FGD4: variants seen among roughly 807,000 people sequenced by gnomAD.
FGD4 encodes the protein FYVE, RhoGEF and PH domain containing 4, also known as FYVE, RhoGEF and PH domain-containing protein 4.
FGD4 carries 42 observed loss-of-function variants against 102.0 expected under a neutral mutation model. That is an observed-to-expected ratio of 0.41 (90% confidence interval 0.32 to 0.53). The LOEUF is 0.53. Ranked by LOEUF, FGD4 falls within the 20% of genes least tolerant of loss-of-function variation. FGD4 has a pLI of 0.21. For synonymous variants in FGD4, 380 were observed against 375.7 expected (o/e 1.01, Z -0.13); for missense variants, 902 against 1,078.2 (o/e 0.84, Z 2.29).
At chr12:32,412,087 T>A (rs1413206756) in intron 1 of FGD4, among the ~76,000 whole-genome samples, 2 of 152,206 alleles carry the variant, frequency 1.3e-5, no homozygotes, top group Non-Finnish European at 2.9e-5. Flanking sequence ...ACTTACATAA[T>A]CTTATTTCAG....
chr12:32,466,932 G>A (rs927316717), intron 1 of FGD4, among the ~76,000 whole-genome samples: 2 of 151,032 alleles, frequency 1.3e-5, no homozygotes, highest in African/African-American at 4.9e-5. Context: ...TACAGGCAAG[G>A]CCTTTTTAGA....
At chr12:32,474,322 A>T (rs1315597648) in intron 1 of FGD4, among the ~76,000 whole-genome samples, 4 of 152,238 alleles carry the variant, frequency 2.6e-5, no homozygotes, top group Non-Finnish European at 5.9e-5. Flanking sequence ...GTTGCAATAT[A>T]ATAGCCAAAA....
chr12:32,523,714 C>T (rs1253383416), intron 1 of FGD4, among the ~76,000 whole-genome samples: 1 of 152,224 alleles, frequency 6.6e-6, no homozygotes, highest in East Asian at 1.9e-4. Context: ...GTGGCTCACG[C>T]CTGCAATCCC....
chr12:32,433,974 G>T (rs1942140387), intron 1 of FGD4, among the ~76,000 whole-genome samples: 1 of 151,962 alleles, frequency 6.6e-6, no homozygotes, highest in Admixed American at 6.6e-5. Flanking sequence ...TTCTGCCTCA[G>T]CCTCCCGAGT....
At chr12:32,522,959 A>G (rs1026420526) in intron 1 of FGD4, among the ~76,000 whole-genome samples, 1 of 152,218 alleles carries the variant, frequency 6.6e-6, no homozygotes, top group African/African-American at 2.4e-5. Context: ...GCCTAATGAA[A>G]TCCTACTTAT....
chr12:32,583,745 GA>G (rs1946794649), intron 4 of FGD4, among the ~76,000 whole-genome samples: 2 of 152,206 alleles, frequency 1.3e-5, no homozygotes, highest in South Asian at 4.1e-4. Context: ...GTGGGTGGGA[GA>G]AAGTGAGTCA....
intron 1 of FGD4, among the ~76,000 whole-genome samples, chr12:32,447,927 T>A (rs1942667204): frequency 6.6e-6 from 1 of 152,232 alleles, no homozygotes; most frequent in African/African-American, 2.4e-5. Context: ...TTTTCTGTGG[T>A]CATTATTAGA....
At chr12:32,431,483 C>T (rs533592838) in intron 1 of FGD4, among the ~76,000 whole-genome samples, 6 of 152,228 alleles carry the variant, frequency 3.9e-5, no homozygotes, top group African/African-American at 1.4e-4. Context: ...ACACTCAGTT[C>T]GTGCAAATGC....
chr12:32,504,139 T>C (rs909787917), intron 1 of FGD4, among the ~76,000 whole-genome samples: 6 of 152,234 alleles, frequency 3.9e-5, no homozygotes, highest in Non-Finnish European at 7.3e-5. Context: ...GTAAGCGTGT[T>C]GCATTGACCA....
intron 1 of FGD4, among the ~76,000 whole-genome samples, chr12:32,541,734 C>G (rs985017896): frequency 2.6e-5 from 4 of 152,036 alleles, no homozygotes; most frequent in Non-Finnish European, 4.4e-5. Context: ...TATCACCAAG[C>G]CTTTTTTAGA....
intron 1 of FGD4, among the ~76,000 whole-genome samples, chr12:32,465,239 A>G (rs1485920736): frequency 4.6e-5 from 7 of 151,584 alleles, no homozygotes; most frequent in Non-Finnish European, 8.8e-5. Flanking sequence ...TAACATAAAC[A>G]GTCGATTAAT....
chr12:32,471,940 T>C (rs554435362), intron 1 of FGD4, among the ~76,000 whole-genome samples: 1 of 152,314 alleles, frequency 6.6e-6, no homozygotes, highest in East Asian at 1.9e-4. Context: ...CCTAGACATG[T>C]GGTTCATTGG....
intron 1 of FGD4, among the ~76,000 whole-genome samples, chr12:32,521,577 A>G (rs1330375601): frequency 6.6e-6 from 1 of 152,212 alleles, no homozygotes; most frequent in Non-Finnish European, 1.5e-5. Flanking sequence ...TGTGTCCTGT[A>G]TACTATATTG....
intron 6 of FGD4, among the ~76,000 whole-genome samples, 176 bp from the exon 7 acceptor site, chr12:32,601,985 C>T (rs575280254): frequency 1.3e-5 from 2 of 152,222 alleles, no homozygotes; most frequent in South Asian, 2.1e-4. Flanking sequence ...CGTGGTGGCG[C>T]GTGCCTGTAG....
At chr12:32,581,101 AC>A (rs1262736645) in intron 3 of FGD4, among the ~76,000 whole-genome samples, 3 of 152,166 alleles carry the variant, frequency 2.0e-5, no homozygotes, top group Non-Finnish European at 4.4e-5. Flanking sequence ...CCTGAACAGA[AC>A]CCCGAATGAT....
chr12:32,495,749 T>A (rs539057149), intron 1 of FGD4, among the ~76,000 whole-genome samples: 1 of 149,436 alleles, frequency 6.7e-6, no homozygotes, highest in African/African-American at 2.5e-5. Flanking sequence ...CCTCCTTCCA[T>A]ATCCTCCTGC....
chr12:32,459,754 C>T (rs1479308904), intron 1 of FGD4, among the ~76,000 whole-genome samples: 1 of 151,326 alleles, frequency 6.6e-6, no homozygotes, highest in African/African-American at 2.4e-5. Context: ...GTCTGGAGTG[C>T]ATGGCATGAT....
At chr12:32,477,359 A>G (rs1173508880) in intron 1 of FGD4, 1 of 152,068 alleles carries the variant, frequency 6.6e-6, no homozygotes, top group African/African-American at 2.4e-5. Flanking sequence ...GCCTCTCTTG[A>G]TATCAGTTTG....
chr12:32,633,213 G>T (rs1364018038), intron 14 of FGD4, among the ~76,000 whole-genome samples: 3 of 110,974 alleles, frequency 2.7e-5, no homozygotes, highest in African/African-American at 4.3e-5. Flanking sequence ...AGGGGACCGG[G>T]TTGGGAGGAG....
Sources: allele counts gnomAD v4.1 joint callset (sites outside exome capture counted in the v4.1 genomes callset), GRCh38; gene constraint gnomAD v4.1.1; transcripts MANE v1.5; gene names NCBI Gene and HGNC (gene_info 2026-07-23, HGNC 2026-07-21).